MTHFSD: variants seen among roughly 807,000 people sequenced by gnomAD.
MTHFSD encodes the protein methenyltetrahydrofolate synthetase domain containing, also known as methenyltetrahydrofolate synthase domain-containing protein.
MTHFSD carries 37 observed loss-of-function variants against 31.1 expected under a neutral mutation model. The observed-to-expected ratio is 1.19, with a 90% CI of 0.91 to 1.56. The LOEUF (loss-of-function observed/expected upper bound fraction) is 1.56, where lower values mean the gene tolerates loss of function less well. Ranked by LOEUF, MTHFSD falls within the 40% of genes most tolerant of loss-of-function variation. The pLI is 0.00. For synonymous variants in MTHFSD, 221 were observed against 206.9 expected, an observed-to-expected ratio of 1.07 and a Z score of -0.59; for missense variants, 664 against 510.1, an observed-to-expected ratio of 1.30 and a Z score of -2.91.
In MTHFSD at chr16:86,531,860, G is replaced by A. The variant is rs559298585; in HGVS notation, c.*151C>T. 10 of 485,644 alleles carry A rather than the reference G, an allele frequency of 2.1e-5. No homozygotes were observed. In the South Asian group the frequency reaches 4.7e-4, roughly 23 times the overall value. 30.1% of individuals were successfully genotyped at this position (485,644 alleles called of 1,614,324 possible). On this transcript the variant is annotated 3_prime_UTR_variant, in exon 8 of 8. Coordinates refer to ENST00000360900, the MANE Select transcript of MTHFSD (RefSeq NM_001159377.2). This position sits in a 1 kb window ranked among gnomAD's most constrained non-coding sequence, Gnocchi z 5.5. The stretch of plus-strand genomic sequence containing the variant: ...ACAGGAGGGCCTGGGCGTTCACTGA[G>A]CGGTGACTTCTGAGAAGAATTGAGA...
chr16:86,541,961 C>A, intron 6 of MTHFSD, 139 bp from the exon 7 acceptor site: 1 of 1,372,978 alleles, frequency 7.3e-7, no homozygotes, highest in East Asian at 2.3e-5. Flanking sequence ...AGCCGCTGTA[C>A]CACTAGCAAG....
At chr16:86,550,420 G>A (rs997522577) in intron 3 of MTHFSD, among the ~76,000 whole-genome samples, 2 of 152,202 alleles carry the variant, frequency 1.3e-5, no homozygotes, top group South Asian at 2.1e-4. Context: ...CTGACCACAC[G>A]GTCAAGGTTT....
At chr16:86,545,382 T>C (rs1972143635) in intron 5 of MTHFSD, among the ~76,000 whole-genome samples, 1 of 152,146 alleles carries the variant, frequency 6.6e-6, no homozygotes, top group Non-Finnish European at 1.5e-5. Flanking sequence ...CACAGGGGGT[T>C]AGCTAAACGA....
At chr16:86,554,399 T>A (rs975763498) in intron 2 of MTHFSD, among the ~76,000 whole-genome samples, 1 of 152,178 alleles carries the variant, frequency 6.6e-6, no homozygotes, top group Non-Finnish European at 1.5e-5. Flanking sequence ...CCACCAATTC[T>A]GGACACAACC....
chr16:86,551,324 G>A (rs1210170750), intron 3 of MTHFSD, among the ~76,000 whole-genome samples: 1 of 152,106 alleles, frequency 6.6e-6, no homozygotes, highest in African/African-American at 2.4e-5. Flanking sequence ...TGCTCTAACC[G>A]ATACCTTTTG....
intron 1 of MTHFSD, 186 bp downstream of exon 1, chr16:86,554,983 G>A (rs1973877527): frequency 7.5e-7 from 1 of 1,333,944 alleles, no homozygotes; most frequent in East Asian, 2.5e-5. Flanking sequence ...CATCTTTCTC[G>A]GGATTCCGGG....
At chr16:86,535,703 G>C (rs1970603508) in intron 7 of MTHFSD, among the ~76,000 whole-genome samples, 1 of 152,186 alleles carries the variant, frequency 6.6e-6, no homozygotes, top group Non-Finnish European at 1.5e-5. Context: ...TTGAGAGTCA[G>C]AAACTGCTCA....
chr16:86,532,179 T>A lies in MTHFSD; in HGVS notation c.984A>T (p.Glu328Asp). 3 of 1,569,176 alleles carry A rather than the reference T, an allele frequency of 1.9e-6. No individual in the cohort carries two copies. The highest frequency in any genetic ancestry group is 2.6e-6 in the Non-Finnish European group (3 of 1,157,868). The change falls in exon 8 of 8, where the codon GAA becomes GAT. Residue 328 changes from glutamate to aspartate, a missense_variant. Physicochemically the swap from Glu to Asp is conservative, Grantham distance 45. Coordinates refer to ENST00000360900, the MANE Select transcript of MTHFSD (RefSeq NM_001159377.2). The part of the protein sequence containing the change: ...RVSDLKRALR[E>D]LGSVPLRLTW... Reference sequence around the variant, plus strand: ...TGAGCCGCAGGGGCACGGAGCCGAGTTCCCGCAGGGCTCTCTTCAGGTCAC... The same window carrying A: ...TGAGCCGCAGGGGCACGGAGCCGAGATCCCGCAGGGCTCTCTTCAGGTCAC...
At chr16:86,552,514 T>C (rs1973312672) in intron 2 of MTHFSD, among the ~76,000 whole-genome samples, 1 of 152,148 alleles carries the variant, frequency 6.6e-6, no homozygotes, top group Non-Finnish European at 1.5e-5. Context: ...AGAATACAAA[T>C]CCCAAGGGCA....
intron 5 of MTHFSD, among the ~76,000 whole-genome samples, chr16:86,544,612 G>A (rs1456062933): frequency 1.3e-5 from 2 of 152,180 alleles, no homozygotes; most frequent in Non-Finnish European, 2.9e-5. Flanking sequence ...TTGGTGGGAA[G>A]GTAAATTAAT....
At chr16:86,546,790 G>T in intron 4 of MTHFSD, 141 bp from the exon 5 acceptor site, 1 of 701,068 alleles carries the variant, frequency 1.4e-6, no homozygotes, top group Non-Finnish European at 2.4e-6. Context: ...GAGATGTGGC[G>T]TTTCAGGAGA....
intron 7 of MTHFSD, among the ~76,000 whole-genome samples, chr16:86,534,838 G>C (rs926537513): frequency 5.3e-5 from 8 of 152,158 alleles, no homozygotes; most frequent in African/African-American, 1.9e-4. Context: ...GTAAGGGGTA[G>C]GGGTTTGGGG....
At chr16:86,537,080 C>T (rs1356958680) in intron 7 of MTHFSD, among the ~76,000 whole-genome samples, 1 of 152,156 alleles carries the variant, frequency 6.6e-6, no homozygotes, top group African/African-American at 2.4e-5. Flanking sequence ...TCAAATGCAC[C>T]CGGGCGCAAT....
chr16:86,536,884 G>A (rs762681013), intron 7 of MTHFSD, among the ~76,000 whole-genome samples: 2 of 152,234 alleles, frequency 1.3e-5, no homozygotes, highest in Admixed American at 6.5e-5. Context: ...GAGCAGCCGC[G>A]TGGTTCCCCT....
chr16:86,542,107 G>T lies in MTHFSD; in HGVS notation c.549C>A (p.Asp183Glu). 1 of 1,613,172 alleles carries T rather than the reference G, an allele frequency of 6.2e-7. No individual in the cohort carries two copies. The highest frequency in any genetic ancestry group is 8.5e-7 in the Non-Finnish European group (1 of 1,179,692). ...KETPVVTIVH[D>E]CQVVDIPEEL... The stretch of plus-strand genomic sequence containing the variant: ...GCCCATTCATAAGGAGCACCTGGCA[G>T]TCGTGGACGATGGTGACCACCGGCG... The change falls in exon 6 of 8, where the codon GAC becomes GAA. Residue 183 changes from aspartate (D) to glutamate (E), a missense_variant. Physicochemically the swap from Asp to Glu is conservative, Grantham distance 45 (BLOSUM62 2). Coordinates refer to ENST00000360900, the MANE Select transcript of MTHFSD (RefSeq NM_001159377.2). The surrounding 1 kb of genome is among the most constrained non-coding windows in gnomAD (Gnocchi z 4.6).
intron 7 of MTHFSD, among the ~76,000 whole-genome samples, chr16:86,540,537 G>A (rs1172958018): frequency 2.6e-5 from 4 of 152,182 alleles, no homozygotes; most frequent in Non-Finnish European, 2.9e-5. Flanking sequence ...TCTATGACGC[G>A]CAGGCCTAGA....
At position 86,531,928 on chromosome 16, in the gene MTHFSD, A is replaced by G. The variant is rs1970027019; in HGVS notation, c.*83T>C. ...GTGGCTCCGACACGTCTTGCCACGC[A>G]GGCCTCTCGAGTGCCATCGGAACCG... On this transcript the variant is annotated 3_prime_UTR_variant, in exon 8 of 8. Transcript: ENST00000360900. The surrounding 1 kb of genome is among the most constrained non-coding windows in gnomAD (Gnocchi z 5.5). The G allele has an allele frequency of 1.0e-6, 1 of 954,866 alleles. No individual in the cohort carries two copies. Among genetic ancestry groups the G allele is most frequent in the Non-Finnish European group, 1.4e-6 (1 of 691,994 alleles). The allele number at this position is 954,866 out of a possible 1,614,324, so 59.1% of individuals were successfully genotyped here.
chr16:86,537,448 A>G (rs1970864263), intron 7 of MTHFSD, among the ~76,000 whole-genome samples: 1 of 152,108 alleles, frequency 6.6e-6, no homozygotes, highest in Non-Finnish European at 1.5e-5. Flanking sequence ...TCTTCTATAG[A>G]GATTCAGATA....
chr16:86,544,009 C>A (rs1415763051), intron 5 of MTHFSD, among the ~76,000 whole-genome samples: 1 of 152,178 alleles, frequency 6.6e-6, no homozygotes, highest in Non-Finnish European at 1.5e-5. Context: ...CTCTTATCAC[C>A]CTGAGATGGG....
Sources: gnomAD v4.1 joint callset for allele counts (sites outside exome capture counted in the v4.1 genomes callset) on GRCh38, gnomAD v4.1.1 for gene constraint, Gnocchi (gnomAD v3.1) non-coding constraint, MANE v1.5 for transcripts, NCBI Gene and HGNC (gene_info 2026-07-23, HGNC 2026-07-21) for gene names.